The following LINGO2 variants were observed in gnomAD, a reference collection of about 807,000 sequenced individuals.
The protein encoded by LINGO2 is leucine-rich repeat and immunoglobulin-like domain-containing nogo receptor-interacting protein 2.
In LINGO2, 14 loss-of-function variants were observed where a neutral mutation model predicts 30.6. The ratio of observed to expected loss-of-function variants is 0.46; its 90% CI spans 0.30 to 0.72. The LOEUF is 0.72. Ranked by LOEUF, LINGO2 falls within the 30% of genes least tolerant of loss-of-function variation. The pLI is 0.07. For missense variants in LINGO2, 729 were observed against 751.7 expected (o/e 0.97, Z 0.35); for synonymous variants, 317 against 288.5 (o/e 1.10, Z -1.00).
the LINGO2 span, among the ~76,000 whole-genome samples, chr9:28,937,365 C>T: frequency 6.6e-6 from 1 of 152,130 alleles, no homozygotes; most frequent in South Asian, 2.1e-4. Context: ...AAGGTATGTG[C>T]TTCCAGAATA....
intron 1 of LINGO2, among the ~76,000 whole-genome samples, chr9:28,479,190 T>G (rs552527041): frequency 2.6e-5 from 4 of 152,130 alleles, no homozygotes; most frequent in African/African-American, 9.6e-5. Context: ...GACAGAATTT[T>G]GGGATGGAAG....
At chr9:28,522,631 T>C (rs533082097) in intron 1 of LINGO2, among the ~76,000 whole-genome samples, 51 of 152,250 alleles carry the variant, frequency 3.3e-4, no homozygotes, top group African/African-American at 1.2e-3. Flanking sequence ...TCAAAATAAA[T>C]ATTTAAAATC....
the LINGO2 span, among the ~76,000 whole-genome samples, chr9:28,868,834 G>A: frequency 6.6e-6 from 1 of 152,002 alleles, no homozygotes; most frequent in Non-Finnish European, 1.5e-5. Flanking sequence ...TAGCACTGTG[G>A]TTTTGCAGAT....
chr9:28,148,835 G>T lies in LINGO2; in HGVS notation c.-86-136430C>A. On this transcript the variant is annotated intron_variant, in intron 4 of 5. Coordinates refer to ENST00000379992, the Ensembl canonical transcript of LINGO2. This position sits in a 1 kb window ranked among gnomAD's most constrained non-coding sequence, Gnocchi z 5.1. The stretch of plus-strand genomic sequence containing the variant: ...GGCGGCCTTGAAGGTGCTGGGTAAA[G>T]ACCACCTGCCCAGCTCTCCAGGCTT... The T allele has an allele frequency of 1.3e-6, 2 of 1,533,772 alleles. No homozygotes were observed. Among genetic ancestry groups the T allele is most frequent in the Non-Finnish European group, 1.7e-6 (2 of 1,146,512 alleles).
At chr9:28,597,611 A>G (rs892874261) in intron 1 of LINGO2, among the ~76,000 whole-genome samples, 1 of 152,200 alleles carries the variant, frequency 6.6e-6, no homozygotes, top group Non-Finnish European at 1.5e-5. Flanking sequence ...CAGAAGCTGT[A>G]AGTTTGAAAC....
At chr9:28,282,023 TA>T (rs1823346329) in intron 4 of LINGO2, among the ~76,000 whole-genome samples, 1 of 152,238 alleles carries the variant, frequency 6.6e-6, no homozygotes, top group African/African-American at 2.4e-5. Flanking sequence ...CGGAGTTCCT[TA>T]AATTATGCCC....
intron 5 of LINGO2, among the ~76,000 whole-genome samples, chr9:28,010,931 C>A (rs1242665598): frequency 6.6e-6 from 1 of 152,216 alleles, no homozygotes; most frequent in East Asian, 1.9e-4. Flanking sequence ...GCACTCCAGC[C>A]TGGGTGACAG....
At chr9:29,212,199 C>G in the LINGO2 span, among the ~76,000 whole-genome samples, 184 of 152,230 alleles carry the variant, frequency 1.2e-3, no homozygotes, top group African/African-American at 3.9e-3. Context: ...GTCCCCGCGG[C>G]GCGGTGCGGA....
At chr9:28,232,861 GA>G (rs200579054) in intron 4 of LINGO2, among the ~76,000 whole-genome samples, 36 of 147,138 alleles carry the variant, frequency 2.4e-4, no homozygotes, top group African/African-American at 7.3e-4. Flanking sequence ...TGCATCTGGG[GA>G]AAAAAAAAGG....
At position 28,523,571 on chromosome 9, in the gene LINGO2, T is replaced by C. The variant is rs180746296; in HGVS notation, c.-364-47546A>G. Among the ~76,000 whole-genome samples the C allele has an allele frequency of 4.5e-3, 690 of 152,296 alleles. 7 individuals carry two copies. The highest frequency in any genetic ancestry group is 0.016 in the African/African-American group (651 of 41,580). ...ACAGAAAATTCTACTAGTTCTATTA[T>C]TTGAGTTTAACAAAGTTGTAGGACA... On this transcript the variant is annotated intron_variant, in intron 1 of 5. Coordinates refer to ENST00000379992, the Ensembl canonical transcript of LINGO2.
chr9:28,944,823 C>T, the LINGO2 span, among the ~76,000 whole-genome samples: 3,327 of 152,130 alleles, frequency 0.022, 103 homozygotes, highest in African/African-American at 0.075. Flanking sequence ...AGTCAATAAG[C>T]ACACTGGTAA....
intron 1 of LINGO2, among the ~76,000 whole-genome samples, chr9:28,490,737 C>A (rs1464059047): frequency 1.3e-5 from 2 of 152,122 alleles, no homozygotes; most frequent in East Asian, 3.9e-4. Flanking sequence ...AAGTAACATT[C>A]TCACATAATA....
At chr9:28,266,812 G>A (rs1260890815) in intron 4 of LINGO2, among the ~76,000 whole-genome samples, 2 of 151,958 alleles carry the variant, frequency 1.3e-5, no homozygotes, top group Non-Finnish European at 2.9e-5. Context: ...AGCCACTCCT[G>A]GTCCCTTGTG....
chr9:27,940,571 T>C, the LINGO2 span: 1 of 152,210 alleles, frequency 6.6e-6, no homozygotes, highest in African/African-American at 2.4e-5. Flanking sequence ...GAATATAGGG[T>C]TGTACAATAA....
intron 4 of LINGO2, among the ~76,000 whole-genome samples, chr9:28,241,303 A>G (rs1339761963): frequency 1.6e-4 from 1 of 6,140 alleles, no homozygotes; most frequent in Non-Finnish European, 2.7e-4. Context: ...GAAAAAAGAA[A>G]AAAAAAATCT....
At chr9:28,725,762 TA>T in the LINGO2 span, among the ~76,000 whole-genome samples, 1 of 151,650 alleles carries the variant, frequency 6.6e-6, no homozygotes, top group Non-Finnish European at 1.5e-5. Flanking sequence ...ATAACAAAAT[TA>T]AAAACACACA....
the LINGO2 span, among the ~76,000 whole-genome samples, chr9:29,186,695 C>T: frequency 6.6e-6 from 1 of 151,848 alleles, no homozygotes; most frequent in African/African-American, 2.4e-5. Flanking sequence ...TTAAAAGTAA[C>T]ATTATATACT....
intron 1 of LINGO2, among the ~76,000 whole-genome samples, chr9:28,505,508 C>T (rs998332710): frequency 5.9e-5 from 9 of 151,884 alleles, no homozygotes; most frequent in African/African-American, 2.2e-4. Context: ...ACCGATGATA[C>T]ATTGAATTGA....
chr9:28,384,070 T>C lies in LINGO2; in HGVS notation c.-278-11202A>G, dbSNP rs74644084. On this transcript the variant is annotated intron_variant, in intron 2 of 5. Coordinates refer to ENST00000379992, the Ensembl canonical transcript of LINGO2. The stretch of plus-strand genomic sequence containing the variant: ...CAACATATGTGAACATCTATAAATA[T>C]TATATTAGTGATAAATATTACTATA... Among the ~76,000 whole-genome samples, 1,177 of 152,098 alleles carry C rather than the reference T, an allele frequency of 7.7e-3. 14 individuals carry two copies. The highest frequency in any genetic ancestry group is 0.027 in the African/African-American group (1,121 of 41,548).
Sources: gnomAD v4.1 joint callset for allele counts (sites outside exome capture counted in the v4.1 genomes callset) on GRCh38, gnomAD v4.1.1 for gene constraint, Gnocchi (gnomAD v3.1) non-coding constraint, MANE v1.5 for transcripts, NCBI Gene and HGNC (gene_info 2026-07-23, HGNC 2026-07-21) for gene names.